Variants in TNNT2 observed in about 807,000 individuals in gnomAD.
TNNT2 encodes troponin T, cardiac muscle.
Under a neutral mutation model 62.4 loss-of-function variants are expected in TNNT2, and 34 were observed. That is an observed-to-expected ratio of 0.54 (90% confidence interval 0.41 to 0.72). The LOEUF (loss-of-function observed/expected upper bound fraction) is 0.72. Among genes scored for constraint, TNNT2 ranks in the 30% least tolerant of loss-of-function variants. The probability of loss-of-function intolerance (pLI) is 0.00; values close to 1 mark genes in which losing one functional copy is unlikely to be tolerated. For missense variants in TNNT2, 275 were observed against 381.9 expected, an observed-to-expected ratio of 0.72 and a Z score of 2.33; for synonymous variants, 123 against 127.2, an observed-to-expected ratio of 0.97 and a Z score of 0.22.
rs185579284 is a variant in TNNT2 at position 201,362,968 on chromosome 1, A to G, written c.600+328T>C. ...ATGTGGCAGAGCTGGGTCTCCAACT[A>G]GAGCTCTGACTCTAGGCACAAGGCT... On this transcript the variant is annotated intron_variant, in intron 12 of 16. Coordinates refer to ENST00000656932, the MANE Select transcript of TNNT2 (RefSeq NM_001276345.2). Among the ~76,000 whole-genome samples, 283 of 152,338 alleles carry G rather than the reference A, an allele frequency of 1.9e-3. 1 individual carries two copies. The highest frequency in any genetic ancestry group is 3.4e-3 in the Middle Eastern group (1 of 294).
intron 8 of TNNT2, 24 bp from the exon 9 acceptor site, chr1:201,365,694 C>A: frequency 6.2e-7 from 1 of 1,612,582 alleles, no homozygotes; most frequent in Non-Finnish European, 8.5e-7. Context: ...GAATAGTCAG[C>A]ATCAGCCCCA....
chr1:201,368,378 C>T, intron 5 of TNNT2, 151 bp from the exon 6 acceptor site: 1 of 792,404 alleles, frequency 1.3e-6, no homozygotes, highest in Non-Finnish European at 2.1e-6. Context: ...TGCTGGGGGG[C>T]TGCCATTCTT....
At chr1:201,365,125 T>C in intron 10 of TNNT2, 66 bp downstream of exon 10, 1 of 1,399,988 alleles carries the variant, frequency 7.1e-7, no homozygotes, top group Non-Finnish European at 1.0e-6. Flanking sequence ...AGGTGGGGCC[T>C]CACAAAAGGG....
At chr1:201,366,490 A>C in intron 8 of TNNT2, 1 of 1,181,632 alleles carries the variant, frequency 8.5e-7, no homozygotes, top group Non-Finnish European at 1.1e-6. Context: ...GCTCCCCACA[A>C]TTTGCTTCCC....
At chr1:201,375,401 G>C (rs1253433933) in intron 1 of TNNT2, 1 of 152,214 alleles carries the variant, frequency 6.6e-6, no homozygotes, top group Non-Finnish European at 1.5e-5. Context: ...AGTGAGGGAG[G>C]AGCCTTGTTT....
intron 8 of TNNT2, 72 bp from the exon 9 acceptor site, chr1:201,365,742 G>A (rs1659552501): frequency 6.3e-7 from 1 of 1,587,380 alleles, no homozygotes; most frequent in East Asian, 2.3e-5. Context: ...AGGACAGGCA[G>A]GGCCCTGATC....
intron 11 of TNNT2, chr1:201,364,036 G>T: frequency 2.1e-6 from 1 of 471,584 alleles, no homozygotes; most frequent in Non-Finnish European, 3.9e-6. Flanking sequence ...ACCGGCATGT[G>T]CCACCACGCC....
intron 14 of TNNT2, 87 bp downstream of exon 14, chr1:201,361,826 G>T: frequency 8.0e-7 from 1 of 1,242,790 alleles, no homozygotes. Flanking sequence ...CTGCCCTCTG[G>T]TGGCTCACAG....
At chr1:201,359,739 G>A in intron 15 of TNNT2, 76 bp from the exon 16 acceptor site, 2 of 1,312,150 alleles carry the variant, frequency 1.5e-6, no homozygotes, top group Non-Finnish European at 2.2e-6. Context: ...TGGGGATGGG[G>A]AGAAGGGGGC....
chr1:201,376,320 C>T (rs1421407888), intron 1 of TNNT2, among the ~76,000 whole-genome samples: 2 of 152,158 alleles, frequency 1.3e-5, no homozygotes, highest in African/African-American at 4.8e-5. Flanking sequence ...ATTTAAGTCA[C>T]CTAGCCTCTC....
At chr1:201,371,103 C>T (rs974027370) in intron 4 of TNNT2, among the ~76,000 whole-genome samples, 5 of 152,168 alleles carry the variant, frequency 3.3e-5, no homozygotes, top group Non-Finnish European at 7.3e-5. Flanking sequence ...GGAGCAAGGG[C>T]GGGGCCACCT....
intron 5 of TNNT2, chr1:201,369,450 C>T: frequency 2.1e-6 from 1 of 486,116 alleles, no homozygotes; most frequent in Non-Finnish European, 4.2e-6. Flanking sequence ...AAGGAGGGCC[C>T]AGCATGGAAC....
intron 8 of TNNT2, chr1:201,366,239 T>A (rs1242647871): frequency 9.8e-7 from 1 of 1,019,668 alleles, no homozygotes; most frequent in Non-Finnish European, 1.2e-6. Context: ...ATCTGGGATG[T>A]CTTGGGCTGG....
intron 1 of TNNT2, chr1:201,374,546 G>A (rs1661111906): frequency 6.6e-6 from 1 of 152,200 alleles, no homozygotes; most frequent in African/African-American, 2.4e-5. Context: ...CACAGGGAGG[G>A]GGCAGAGAGC....
rs374628194 is a variant in TNNT2 at position 201,369,804 on chromosome 1, A to G, written c.97+12T>C. 3 of 1,614,066 alleles carry G rather than the reference A, an allele frequency of 1.9e-6. No individual in the cohort carries two copies. The African/African-American group carries it at 4.0e-5, about 22-fold the overall frequency. On this transcript the variant is annotated intron_variant, in intron 5 of 16. Coordinates refer to ENST00000656932, the MANE Select transcript of TNNT2 (RefSeq NM_001276345.2). ...GCAGCAGAAAGCACCACAGAAGGAA[A>G]GGCTGTACTACCGTCTTCGTCCTCT...
chr1:201,360,897 G>A (rs1368016149), intron 15 of TNNT2: 12 of 360,662 alleles, frequency 3.3e-5, no homozygotes, highest in Non-Finnish European at 6.5e-5. Context: ...CAGGACCTTG[G>A]GTGTATGTGG....
intron 8 of TNNT2, chr1:201,366,420 C>A (rs1456249305): frequency 2.7e-6 from 3 of 1,108,422 alleles, no homozygotes; most frequent in Non-Finnish European, 3.3e-6. Context: ...ACCAAGCCGT[C>A]CTGCCCTCTC....
chr1:201,372,139 G>T lies in TNNT2; in HGVS notation c.52+6C>A. 1 of 1,614,136 alleles carries T rather than the reference G, an allele frequency of 6.2e-7. No homozygotes were observed. The highest frequency in any genetic ancestry group is 8.5e-7 in the Non-Finnish European group (1 of 1,180,030). On this transcript the variant is annotated splice_donor_region_variant and intron_variant, in intron 3 of 16. Coordinates refer to ENST00000656932, the MANE Select transcript of TNNT2 (RefSeq NM_001276345.2). Reference sequence around the variant, plus strand: ...GATCCAAATGAGTACACACGTTTACGCTTACCTTCCTGCTCCCTGAGAGCA... The same window carrying T: ...GATCCAAATGAGTACACACGTTTACTCTTACCTTCCTGCTCCCTGAGAGCA...
chr1:201,364,145 A>G, intron 11 of TNNT2, 153 bp downstream of exon 11: 2 of 794,940 alleles, frequency 2.5e-6, no homozygotes, highest in Non-Finnish European at 4.1e-6. Context: ...TGGCCTCCCA[A>G]AGTGCTGGGA....
Sources: gnomAD v4.1 joint callset for allele counts (sites outside exome capture counted in the v4.1 genomes callset) on GRCh38, gnomAD v4.1.1 for gene constraint, MANE v1.5 for transcripts, NCBI Gene and HGNC (gene_info 2026-07-23, HGNC 2026-07-21) for gene names.